The following PKHD1L1 variants were observed in gnomAD, a reference collection of about 807,000 sequenced individuals.
PKHD1L1 encodes PKHD1 like 1, also known as fibrocystin-L.
A neutral mutation model predicts 462.9 loss-of-function variants in PKHD1L1; 434 were observed. The observed-to-expected ratio is 0.94, with a 90% CI of 0.87 to 1.02. The LOEUF is 1.02. Among genes scored for constraint, PKHD1L1 ranks in the 50% least tolerant of loss-of-function variants. The pLI, the probability that PKHD1L1 is intolerant of heterozygous loss-of-function variation, is 0.00. For missense variants in PKHD1L1, 5,202 were observed against 5,096.1 expected (o/e 1.02, Z -0.63); for synonymous variants, 1,781 against 1,750.0 (o/e 1.02, Z -0.44).
At chr8:109,451,523 T>C (rs1171635660) in intron 41 of PKHD1L1, among the ~76,000 whole-genome samples, 1 of 152,216 alleles carries the variant, frequency 6.6e-6, no homozygotes, top group East Asian at 1.9e-4. Flanking sequence ...ATCTGCTTCA[T>C]TGGATCAAAG....
At chr8:109,497,584 G>A (rs1460354967) in intron 65 of PKHD1L1, among the ~76,000 whole-genome samples, 4 of 151,788 alleles carry the variant, frequency 2.6e-5, no homozygotes, top group African/African-American at 7.3e-5. Flanking sequence ...CCGCCACCAC[G>A]CCTGGCTAAT....
In PKHD1L1 at chr8:109,452,785, C is replaced by T; in HGVS notation, c.6575C>T (p.Pro2192Leu). ...TTCTCATGGGGGGGAAAATCTCCCCCAGAAGAAGGATCTCTTGTTGTTATT... is the reference window on the plus strand; with the variant it reads ...TTCTCATGGGGGGGAAAATCTCCCCTAGAAGAAGGATCTCTTGTTGTTATT... ...SNFSWGGKSP[P>L]EEGSLVVITK... Residue 2192 changes from proline to leucine, a missense_variant, in exon 43 of 78, where the codon CCA becomes CTA. By Grantham distance (98) the Pro-to-Leu change is moderately conservative (BLOSUM62 -3). Coordinates refer to ENST00000378402, the MANE Select transcript of PKHD1L1 (RefSeq NM_177531.6). The T allele has an allele frequency of 6.5e-7, 1 of 1,531,770 alleles. No homozygotes were observed. The highest frequency in any genetic ancestry group is 1.4e-5 in the African/African-American group (1 of 71,726). 94.9% of individuals were successfully genotyped at this position (1,531,770 alleles called of 1,614,324 possible).
At chr8:109,394,173 A>C (rs1262820795) in intron 9 of PKHD1L1, among the ~76,000 whole-genome samples, 125 of 75,666 alleles carry the variant, frequency 1.7e-3, no homozygotes, top group Non-Finnish European at 2.8e-3. Context: ...ACTCTGTCAA[A>C]AAAAAAAAAA....
chr8:109,407,279 C>T lies in PKHD1L1; in HGVS notation c.1814-770C>T, dbSNP rs147897567. Among the ~76,000 whole-genome samples, 1,296 of 152,174 alleles carry T rather than the reference C, an allele frequency of 8.5e-3. 15 individuals are homozygous for T. The highest frequency in any genetic ancestry group is 0.021 in the South Asian group (103 of 4,814). On this transcript the variant is annotated intron_variant, in intron 17 of 77. Coordinates refer to ENST00000378402, the MANE Select transcript of PKHD1L1 (RefSeq NM_177531.6). The stretch of plus-strand genomic sequence containing the variant: ...GTGGAGGATAAAGAATTTGATTTTA[C>T]ATGAATTTAAGTTTTAAAAAGTGTA...
intron 8 of PKHD1L1, among the ~76,000 whole-genome samples, chr8:109,389,761 C>T (rs1192444541): frequency 4.6e-5 from 7 of 152,114 alleles, no homozygotes; most frequent in African/African-American, 9.6e-5. Context: ...CTCCTGACTT[C>T]GGGTGATCCG....
At chr8:109,505,107 C>A (rs994298431) in intron 68 of PKHD1L1, among the ~76,000 whole-genome samples, 1 of 152,122 alleles carries the variant, frequency 6.6e-6, no homozygotes, top group African/African-American at 2.4e-5. Flanking sequence ...CCAGGCTGGT[C>A]TTGAACTCCT....
Position 109,464,475 on chromosome 8 carries a change from A to C in PKHD1L1, c.7643A>C (p.Gln2548Pro). The C allele has an allele frequency of 1.2e-6, 2 of 1,613,750 alleles. No homozygotes were observed. The highest frequency in any genetic ancestry group is 1.7e-6 in the Non-Finnish European group (2 of 1,179,758). ...LQYNLAVFVQ[Q>P]STSLLNDDVT... ...TATAACTTGGCAGTATTTGTACAGC[A>C]AAGTACCAGTCTTCTGAATGATGAT... is the stretch of plus-strand genomic sequence containing the variant. The change falls in exon 49 of 78, where the codon CAA becomes CCA. Residue 2548 changes from glutamine to proline, a missense_variant. By Grantham distance (76) the Gln-to-Pro change is moderately conservative. Transcript: ENST00000378402.
In PKHD1L1 at chr8:109,405,028, G is replaced by A. The variant is rs575141852; in HGVS notation, c.1567G>A (p.Ala523Thr). Residue 523 changes from alanine to threonine, a missense_variant, in exon 16 of 78, where the codon GCA (alanine) becomes ACA (threonine). By Grantham distance (58) the Ala-to-Thr change is moderately conservative (BLOSUM62 0). This residue lies in a region of PKHD1L1 where 4,497 missense variants were observed against 4,336.8 expected (regional missense o/e 1.04). Transcript: ENST00000378402. Reference protein sequence around the residue: ...ITLENWETTNAINEVQKIKVT... With the variant: ...ITLENWETTNTINEVQKIKVT... ...ATTGGAAAACTGGGAAACAACTAAT[G>A]CAATTAATGAGGTTCAGAAGATCAA... 9 of 1,523,812 alleles carry A rather than the reference G, an allele frequency of 5.9e-6. No individual in the cohort carries two copies. The South Asian group carries it at 8.8e-5, about 15-fold the overall frequency. The allele number at this position is 1,523,812 out of a possible 1,614,324, so 94.4% of individuals were successfully genotyped here.
rs375225227 is a variant in PKHD1L1, at chr8:109,452,489, A to G, written c.6507+209A>G. Among the ~76,000 whole-genome samples, 11 of 151,846 alleles carry G rather than the reference A, an allele frequency of 7.2e-5. No homozygotes were observed. The East Asian group carries it at 1.5e-3, about 21-fold the overall frequency. On this transcript the variant is annotated intron_variant, in intron 42 of 77. Coordinates refer to ENST00000378402, the MANE Select transcript of PKHD1L1 (RefSeq NM_177531.6). ...TTTGATTTTTCTGAGTTGTGGGGTAATTGGTAATAGATTTTTTAAACTTGA... is the reference window on the plus strand; with the variant it reads ...TTTGATTTTTCTGAGTTGTGGGGTAGTTGGTAATAGATTTTTTAAACTTGA...
intron 72 of PKHD1L1, among the ~76,000 whole-genome samples, chr8:109,517,536 A>T (rs1271292322): frequency 2.6e-5 from 4 of 152,114 alleles, no homozygotes; most frequent in African/African-American, 9.7e-5. Flanking sequence ...ACATATATTC[A>T]TTCATTATAA....
chr8:109,529,433 AT>A (rs1248584783), intron 77 of PKHD1L1, among the ~76,000 whole-genome samples: 2 of 152,146 alleles, frequency 1.3e-5, no homozygotes, highest in Admixed American at 6.5e-5. Context: ...AATTAATTTT[AT>A]TTTTTTCTCA....
intron 11 of PKHD1L1, among the ~76,000 whole-genome samples, chr8:109,397,914 T>C (rs536106053): frequency 9.8e-5 from 15 of 152,334 alleles, no homozygotes; most frequent in Non-Finnish European, 1.8e-4. Flanking sequence ...CTAAGTCTAA[T>C]TGTGCTTATG....
intron 23 of PKHD1L1, among the ~76,000 whole-genome samples, chr8:109,421,564 T>C (rs1814468120): frequency 6.6e-6 from 1 of 151,926 alleles, no homozygotes; most frequent in East Asian, 1.9e-4. Context: ...GGGCGGATCA[T>C]GAGGTCAGAA....
At chr8:109,369,062 C>T (rs1811364944) in intron 2 of PKHD1L1, among the ~76,000 whole-genome samples, 1 of 151,978 alleles carries the variant, frequency 6.6e-6, no homozygotes, top group Non-Finnish European at 1.5e-5. Context: ...TCACTGCAAC[C>T]TCCGCCTCCT....
chr8:109,442,194 A>G lies in PKHD1L1; in HGVS notation c.4392A>G (p.Ser1464=), dbSNP rs753624450. Residue 1464 remains serine (S), a splice_region_variant and synonymous_variant, in exon 35 of 78, where the codon TCA becomes TCG. Transcript: ENST00000378402. ...GFTSGRQKST[S]GSFSYQFTSP... ...CAAGTGGAAGACAAAAATCTACATC[A>G]GGTATGTTTCTGCTTATTGGGTTTT... is the stretch of plus-strand genomic sequence containing the variant. 1 of 1,607,374 alleles carries G rather than the reference A, an allele frequency of 6.2e-7. No individual in the cohort carries two copies. Among genetic ancestry groups the G allele is most frequent in the African/African-American group, 1.3e-5 (1 of 74,610 alleles).
At position 109,402,551 on chromosome 8, in the gene PKHD1L1, G is replaced by A. The variant is rs1813325350; in HGVS notation, c.1373+963G>A. Among the ~76,000 whole-genome samples the A allele has an allele frequency of 6.6e-5, 10 of 152,262 alleles. No individual in the cohort carries two copies. In the South Asian group the frequency reaches 2.1e-3, roughly 32 times the overall value. ...CTGGGCTTAATACCTAGGTGATGAT[G>A]GGTTGATAGGTGCAGTAAAGAGGGG... On this transcript the variant is annotated intron_variant, in intron 14 of 77. Transcript: ENST00000378402.
chr8:109,389,331 A>G (rs1359453465), intron 8 of PKHD1L1, among the ~76,000 whole-genome samples, 179 bp downstream of exon 8: 1 of 152,030 alleles, frequency 6.6e-6, no homozygotes, highest in African/African-American at 2.4e-5. Context: ...TGTATGAATC[A>G]GTATTTTCTT....
At chr8:109,450,887 G>A in intron 40 of PKHD1L1, 88 bp from the exon 41 acceptor site, 1 of 1,269,180 alleles carries the variant, frequency 7.9e-7, no homozygotes, top group Non-Finnish European at 1.1e-6. Context: ...GTGTGAAAAG[G>A]AAGATGTTAT....
At position 109,477,316 on chromosome 8, in the gene PKHD1L1, C is replaced by G; in HGVS notation, c.9009C>G (p.Tyr3003Ter). Residue 3003 changes from tyrosine (Y) to a stop codon, truncating the protein, a stop_gained, in exon 53 of 78, where the codon TAC (tyrosine) becomes TAG (stop). Transcript: ENST00000378402. LOFTEE classifies it high-confidence loss of function. ...VKDVVINFQA[Y>*]CCILQDCFPV... ...ACGTTGTTATTAATTTCCAAGCTTA[C>G]TGTTGTATTCTCCAGGATTGCTTTC... The G allele has an allele frequency of 6.2e-7, 1 of 1,613,544 alleles. No individual in the cohort carries two copies. Among genetic ancestry groups the G allele is most frequent in the Non-Finnish European group, 8.5e-7 (1 of 1,179,668 alleles).
Sources: gnomAD v4.1 joint callset for allele counts (sites outside exome capture counted in the v4.1 genomes callset) on GRCh38, gnomAD v4.1.1 for gene constraint, gnomAD v4.1.1 regional missense constraint, MANE v1.5 for transcripts, NCBI Gene and HGNC (gene_info 2026-07-23, HGNC 2026-07-21) for gene names.